PRDM15: variants seen among roughly 807,000 people sequenced by gnomAD.
The protein encoded by PRDM15 is PR/SET domain 15.
Under a neutral mutation model 128.6 loss-of-function variants are expected in PRDM15, and 64 were observed. The observed-to-expected ratio is 0.50, with a 90% CI of 0.41 to 0.61. The LOEUF is 0.61. Among genes scored for constraint, PRDM15 ranks in the 20% least tolerant of loss-of-function variants. The probability of loss-of-function intolerance (pLI) is 0.00; values close to 1 mark genes in which losing one functional copy is unlikely to be tolerated. For synonymous variants in PRDM15, 615 were observed against 621.8 expected (o/e 0.99, Z 0.16); for missense variants, 1,242 against 1,569.1 (o/e 0.79, Z 3.52).
chr21:41,875,014 G>T, intron 1 of PRDM15: 1 of 152,778 alleles, frequency 6.5e-6, no homozygotes. Flanking sequence ...AAGACGGGAG[G>T]ATCGCTGATC....
In PRDM15 at chr21:41,802,768, C is replaced by T; in HGVS notation, c.2887G>A (p.Glu963Lys). The T allele has an allele frequency of 1.9e-6, 3 of 1,614,090 alleles. No homozygotes were observed. Among genetic ancestry groups the T allele is most frequent in the East Asian group, 4.5e-5 (2 of 44,896 alleles). Reference sequence around the variant, plus strand: ...TCGTCGCCTACACTGCCTGTGAACTCCGTCTCTTTCTCTGAGTATTCGCTG... The same window carrying T: ...TCGTCGCCTACACTGCCTGTGAACTTCGTCTCTTTCTCTGAGTATTCGCTG... ...TFSEYSEKET[E>K]FTGSVGDETN... The change falls in exon 23 of 24, where the codon GAG becomes AAG. Residue 963 changes from glutamate to lysine, a missense_variant. Coordinates refer to ENST00000398548, the MANE Select transcript of PRDM15 (RefSeq NM_001040424.3).
In PRDM15 at chr21:41,821,931, G is replaced by A. The variant is rs2062286222; in HGVS notation, c.1868C>T (p.Pro623Leu). Residue 623 changes from proline to leucine, a missense_variant, in exon 15 of 24, where the codon CCT becomes CTT. Pro to Leu is a moderately conservative substitution (Grantham distance 98). Around this residue, in one of 3 missense-constraint regions of PRDM15, gnomAD observed 602 missense variants for 788.3 expected, o/e 0.76. Coordinates refer to ENST00000398548, the MANE Select transcript of PRDM15 (RefSeq NM_001040424.3). This position sits in a 1 kb window ranked among gnomAD's most constrained non-coding sequence, Gnocchi z 5.4. ...GCACCGCTTGCAGCTGTACTTGTGA[G>A]GCTCCGAGTCTGCGCTCTCGTCAGA... The part of the protein sequence containing the change: ...DNSDESADSE[P>L]HKYSCKRCQL... 4 of 1,614,058 alleles carry A rather than the reference G, an allele frequency of 2.5e-6. No individual in the cohort carries two copies. Among genetic ancestry groups the A allele is most frequent in the Non-Finnish European group, 3.4e-6 (4 of 1,180,062 alleles).
Position 41,820,138 on chromosome 21 carries a change from G to C in PRDM15, c.2097C>G (p.Phe699Leu). The change falls in exon 17 of 24, where the codon TTC (phenylalanine) becomes TTG (leucine). Residue 699 changes from phenylalanine (F) to leucine (L), a missense_variant. Transcript: ENST00000398548. ...IHPCEICGRI[F>L]NSIGNLERHK... ...GGCGCTCCAGGTTCCCGATGCTGTT[G>C]AAGATCCGCCCGCAGATCTCGCAGG... 1.2e-6 allele frequency: 2 copies of C among 1,613,884 alleles called. No homozygotes were observed. Among genetic ancestry groups the C allele is most frequent in the Non-Finnish European group, 1.7e-6 (2 of 1,179,886 alleles).
At chr21:41,865,695 C>T (rs1375758675) in intron 1 of PRDM15, among the ~76,000 whole-genome samples, 2 of 152,232 alleles carry the variant, frequency 1.3e-5, no homozygotes, top group Admixed American at 6.5e-5. Context: ...AAACCACTAT[C>T]TCAGTTTCAC....
chr21:41,831,593 G>A (rs1029606933), intron 11 of PRDM15, among the ~76,000 whole-genome samples: 3 of 152,182 alleles, frequency 2.0e-5, no homozygotes, highest in African/African-American at 4.8e-5. Flanking sequence ...AACCTCCCCC[G>A]GGAGAGCCAG....
rs2062716422 is a variant in PRDM15, at chr21:41,832,218, T to C, written c.1366+3219A>G. The stretch of plus-strand genomic sequence containing the variant: ...GAATCTTTAGTAATGCAGATTTTTT[T>C]CTTCTGTCAAATCTCTTTATCATGA... On this transcript the variant is annotated intron_variant, in intron 11 of 23. Coordinates refer to ENST00000398548, the MANE Select transcript of PRDM15 (RefSeq NM_001040424.3). The surrounding 1 kb of genome is among the most constrained non-coding windows in gnomAD (Gnocchi z 4.2). Among the ~76,000 whole-genome samples, 1 of 152,242 alleles carries C rather than the reference T, an allele frequency of 6.6e-6. No homozygotes were observed. The highest frequency in any genetic ancestry group is 2.4e-5 in the African/African-American group (1 of 41,460).
chr21:41,860,557 G>T (rs2063780347), intron 1 of PRDM15, among the ~76,000 whole-genome samples, 185 bp from the exon 2 acceptor site: 1 of 152,140 alleles, frequency 6.6e-6, no homozygotes, highest in Admixed American at 6.5e-5. Context: ...TGAGTAGCTG[G>T]GACTACAGGT....
At position 41,804,577 on chromosome 21, in the gene PRDM15, G is replaced by A. The variant is rs763159282; in HGVS notation, c.2690C>T (p.Pro897Leu). Reference sequence around the variant, plus strand: ...GGAGGCGTCGATGGTGGTGGTCTCCGGGAGGTGGTCCAGGTCATCGATCCT... The same window carrying A: ...GGAGGCGTCGATGGTGGTGGTCTCCAGGAGGTGGTCCAGGTCATCGATCCT... ...AVRIDDLDHLPETTTIDASSI... is the reference protein window; with the variant it reads ...AVRIDDLDHLLETTTIDASSI... The change falls in exon 22 of 24, where the codon CCG becomes CTG. Residue 897 changes from proline (P) to leucine (L), a missense_variant. Pro to Leu is a moderately conservative substitution (Grantham distance 98, BLOSUM62 -3). Transcript: ENST00000398548. 3 of 1,571,890 alleles carry A rather than the reference G, an allele frequency of 1.9e-6. No homozygotes were observed. The highest frequency in any genetic ancestry group is 4.6e-5 in the East Asian group (2 of 43,194).
At chr21:41,838,109 GACAA>G in intron 7 of PRDM15, 46 bp from the exon 8 acceptor site, 7 of 1,602,630 alleles carry the variant, frequency 4.4e-6, no homozygotes, top group Non-Finnish European at 5.1e-6. Context: ...AAGAGCAGGG[GACAA>G]ACACAGTCAA....
chr21:41,831,912 C>T (rs908969938), intron 11 of PRDM15, among the ~76,000 whole-genome samples: 3 of 152,226 alleles, frequency 2.0e-5, no homozygotes, highest in South Asian at 2.1e-4. Context: ...ACAGATGCTA[C>T]GCTGAGTCCC....
intron 7 of PRDM15, among the ~76,000 whole-genome samples, chr21:41,838,740 C>T (rs900406331): frequency 7.9e-5 from 12 of 152,210 alleles, no homozygotes; most frequent in African/African-American, 2.2e-4. Context: ...CCTAAATCAG[C>T]GCCCAACAGT....
At position 41,811,019 on chromosome 21, in the gene PRDM15, GT is replaced by G. The variant is rs1601776295; in HGVS notation, c.2393-184del. On this transcript the variant is annotated intron_variant, in intron 19 of 23. Transcript: ENST00000398548. This position sits in a 1 kb window ranked among gnomAD's most constrained non-coding sequence, Gnocchi z 4.1. ...CGGCCAGCAAAGTGTGGCTTGGAAA[GT>G]TTATGCTTCCATAGTGACATTTCAT... 66 of 579,480 alleles carry G rather than the reference GT, an allele frequency of 1.1e-4. No homozygotes were observed. The East Asian group carries it at 1.9e-3, about 16-fold the overall frequency. 35.9% of individuals were successfully genotyped at this position (579,480 alleles called of 1,614,324 possible).
rs73361556 is a variant in PRDM15, at chr21:41,861,764, C to T, written c.-9-1392G>A. The T allele has an allele frequency of 5.1e-3, 8,218 of 1,610,988 alleles. 371 individuals carry two copies. In the African/African-American group the frequency reaches 0.094, roughly 19 times the overall value. ...TGAACTTGTGTGTCTGAGAGCAGTG[C>T]CGGGTTGAAAACTTCAAGTTAGGAG... On this transcript the variant is annotated intron_variant, in intron 1 of 23. Coordinates refer to ENST00000398548, the MANE Select transcript of PRDM15 (RefSeq NM_001040424.3).
chr21:41,802,164 C>T (rs749361753), intron 23 of PRDM15, among the ~76,000 whole-genome samples: 17 of 152,268 alleles, frequency 1.1e-4, no homozygotes, highest in Non-Finnish European at 2.4e-4. Context: ...AAATGAGGAA[C>T]TTTTGCAGTC....
intron 11 of PRDM15, among the ~76,000 whole-genome samples, chr21:41,835,061 C>A (rs1049449234): frequency 6.6e-6 from 1 of 152,128 alleles, no homozygotes; most frequent in Non-Finnish European, 1.5e-5. Flanking sequence ...AAGCGAGGAG[C>A]GCTCACACTC....
intron 5 of PRDM15, among the ~76,000 whole-genome samples, chr21:41,851,203 G>C (rs2063418004): frequency 6.6e-6 from 1 of 152,206 alleles, no homozygotes; most frequent in African/African-American, 2.4e-5. Context: ...GCACGTCACT[G>C]AGCAGGAGTG....
intron 1 of PRDM15, among the ~76,000 whole-genome samples, chr21:41,875,420 A>G (rs2064377875): frequency 6.6e-6 from 1 of 152,226 alleles, no homozygotes; most frequent in African/African-American, 2.4e-5. Context: ...ATATTTCCTA[A>G]AATGCCACTC....
intron 1 of PRDM15, among the ~76,000 whole-genome samples, chr21:41,863,936 C>G (rs943299171): frequency 6.6e-6 from 1 of 152,056 alleles, no homozygotes; most frequent in Non-Finnish European, 1.5e-5. Context: ...CTCCGCCTCC[C>G]AAGTTCAAGC....
chr21:41,828,780 G>A lies in PRDM15; in HGVS notation c.1367-447C>T, dbSNP rs1455837768. The stretch of plus-strand genomic sequence containing the variant: ...AACTGACCACCCGACCAATGTGGCC[G>A]CCCCTGCCCCCAGGATCCCTGGTGT... On this transcript the variant is annotated intron_variant, in intron 11 of 23. Transcript: ENST00000398548. The surrounding 1 kb of genome is among the most constrained non-coding windows in gnomAD (Gnocchi z 5.7). Among the ~76,000 whole-genome samples, 7 of 151,750 alleles carry A rather than the reference G, an allele frequency of 4.6e-5. No homozygotes were observed. The highest frequency in any genetic ancestry group is 1.9e-4 in the East Asian group (1 of 5,196).
Sources: allele counts gnomAD v4.1 joint callset (sites outside exome capture counted in the v4.1 genomes callset), GRCh38; gene constraint gnomAD v4.1.1; regional missense constraint gnomAD v4.1.1; non-coding constraint Gnocchi (gnomAD v3.1); transcripts MANE v1.5; gene names NCBI Gene and HGNC (gene_info 2026-07-23, HGNC 2026-07-21).